GOLM2: variants seen among roughly 807,000 people sequenced by gnomAD.
GOLM2 encodes the protein golgi membrane protein 2, also known as protein GOLM2.
GOLM2 carries 26 observed loss-of-function variants against 55.9 expected under a neutral mutation model. The ratio of observed to expected loss-of-function variants is 0.47; its 90% confidence interval spans 0.34 to 0.65. The LOEUF (loss-of-function observed/expected upper bound fraction) is 0.65, where lower values mean the gene tolerates loss of function less well. Among genes scored for constraint, GOLM2 ranks in the 30% least tolerant of loss-of-function variants. The pLI, the probability that GOLM2 is intolerant of heterozygous loss-of-function variation, is 0.01. For missense variants in GOLM2, 486 were observed against 531.8 expected, an observed-to-expected ratio of 0.91 and a Z score of 0.85; for synonymous variants, 165 against 194.6, an observed-to-expected ratio of 0.85 and a Z score of 1.27.
chr15:44,366,281 A>T (rs1427642410), intron 6 of GOLM2, among the ~76,000 whole-genome samples: 2 of 145,412 alleles, frequency 1.4e-5, no homozygotes, highest in African/African-American at 2.6e-5. Flanking sequence ...TGGGCAACAG[A>T]GCGAGACTCC....
At chr15:44,381,028 A>G in intron 8 of GOLM2, 52 bp downstream of exon 8, 1 of 1,173,620 alleles carries the variant, frequency 8.5e-7, no homozygotes. Flanking sequence ...TAAATGTAAT[A>G]TGAATTAAGG....
chr15:44,355,729 G>T, intron 6 of GOLM2: 1 of 162,568 alleles, frequency 6.2e-6, no homozygotes, highest in South Asian at 1.5e-4. Flanking sequence ...GAGAGCACGA[G>T]AGAAAAAGAG....
At chr15:44,410,199 G>T (rs2079628148) in intron 9 of GOLM2, among the ~76,000 whole-genome samples, 1 of 152,186 alleles carries the variant, frequency 6.6e-6, no homozygotes. Context: ...AGCACTTTGG[G>T]AGGCCGAGGC....
At chr15:44,358,376 T>C (rs575135253) in intron 6 of GOLM2, among the ~76,000 whole-genome samples, 3 of 151,882 alleles carry the variant, frequency 2.0e-5, no homozygotes, top group Middle Eastern at 3.4e-3. Context: ...AAAATAAAGT[T>C]TATATAGAGA....
At chr15:44,380,778 C>A (rs201218047) in intron 7 of GOLM2, 28 bp from the exon 8 acceptor site, 6 of 1,371,022 alleles carry the variant, frequency 4.4e-6, no homozygotes, top group Non-Finnish European at 1.9e-6. Flanking sequence ...AAATTATATT[C>A]TTTTAATTTG....
At chr15:44,325,964 T>C (rs1195082931) in intron 2 of GOLM2, among the ~76,000 whole-genome samples, 1 of 152,074 alleles carries the variant, frequency 6.6e-6, no homozygotes, top group Non-Finnish European at 1.5e-5. Flanking sequence ...AGAATTAATA[T>C]TATAAAAAGA....
At chr15:44,372,641 T>A (rs1212581203) in intron 6 of GOLM2, among the ~76,000 whole-genome samples, 1 of 152,182 alleles carries the variant, frequency 6.6e-6, no homozygotes, top group Admixed American at 6.5e-5. Context: ...GGGATATCTA[T>A]CTAATTTAGA....
At chr15:44,290,875 C>A (rs2078715972) in intron 1 of GOLM2, among the ~76,000 whole-genome samples, 1 of 151,806 alleles carries the variant, frequency 6.6e-6, no homozygotes, top group African/African-American at 2.4e-5. Context: ...GATCTCAGCT[C>A]ACTGCAACCT....
intron 1 of GOLM2, among the ~76,000 whole-genome samples, chr15:44,300,087 A>C (rs2078786726): frequency 6.6e-6 from 1 of 151,134 alleles, no homozygotes; most frequent in African/African-American, 2.4e-5. Flanking sequence ...CAACAGAGCA[A>C]GACCCTGTCT....
At chr15:44,378,969 A>T (rs1011466674) in intron 6 of GOLM2, among the ~76,000 whole-genome samples, 1 of 150,870 alleles carries the variant, frequency 6.6e-6, no homozygotes, top group African/African-American at 2.4e-5. Flanking sequence ...CTGATCTTGA[A>T]CTCCTGACCT....
intron 4 of GOLM2, 136 bp from the exon 5 acceptor site, chr15:44,337,627 A>G (rs2079065732): frequency 5.1e-6 from 3 of 593,276 alleles, no homozygotes; most frequent in African/African-American, 2.0e-5. Context: ...TGTATCCTGC[A>G]TCTCCAATTG....
chr15:44,407,297 C>T (rs2079604295), intron 9 of GOLM2, among the ~76,000 whole-genome samples: 4 of 145,194 alleles, frequency 2.8e-5, no homozygotes, highest in African/African-American at 5.1e-5. Context: ...ACAGGGTGTC[C>T]CTCTGTCACC....
intron 6 of GOLM2, among the ~76,000 whole-genome samples, chr15:44,374,386 C>T (rs557459954): frequency 6.6e-5 from 10 of 152,102 alleles, no homozygotes; most frequent in African/African-American, 2.4e-4. Context: ...CGATGGTTCA[C>T]GCCTGTAATC....
intron 6 of GOLM2, among the ~76,000 whole-genome samples, chr15:44,375,185 T>C (rs571130404): frequency 1.3e-5 from 2 of 152,206 alleles, no homozygotes; most frequent in South Asian, 4.2e-4. Context: ...TATACCCGGC[T>C]AATTTTTGTA....
chr15:44,297,052 G>T (rs1169425275), intron 1 of GOLM2, among the ~76,000 whole-genome samples: 1 of 152,052 alleles, frequency 6.6e-6, no homozygotes, highest in Non-Finnish European at 1.5e-5. Flanking sequence ...TCCTATAAAT[G>T]ATGCCCATGC....
At chr15:44,297,776 A>G (rs955375506) in intron 1 of GOLM2, among the ~76,000 whole-genome samples, 1 of 146,484 alleles carries the variant, frequency 6.8e-6, no homozygotes, top group African/African-American at 2.5e-5. Context: ...GTTAGTCAGG[A>G]TGGTCTCCAT....
chr15:44,337,990 T>TA, intron 5 of GOLM2, 83 bp downstream of exon 5: 2 of 1,314,942 alleles, frequency 1.5e-6, no homozygotes, highest in Non-Finnish European at 2.1e-6. Context: ...TTTTCAATCA[T>TA]AAAGAAAATT....
Position 44,288,893 on chromosome 15 carries a change from C to G in GOLM2, c.-137C>G. The G allele has an allele frequency of 1.3e-6, 1 of 748,818 alleles. No homozygotes were observed. The highest frequency in any genetic ancestry group is 2.1e-6 in the Non-Finnish European group (1 of 475,346). The allele number at this position is 748,818 out of a possible 1,614,324, so 46.4% of individuals were successfully genotyped here. ...TGCGGCCCCGCCCCCTTCTCCGGCT[C>G]GCAGCCGACCGGTAAGCCCGCCTCC... On this transcript the variant is annotated 5_prime_UTR_variant, in exon 1 of 10. Coordinates refer to ENST00000299957, the MANE Select transcript of GOLM2 (RefSeq NM_138423.4).
chr15:44,408,833 G>A (rs1348037897), intron 9 of GOLM2, among the ~76,000 whole-genome samples: 1 of 152,070 alleles, frequency 6.6e-6, no homozygotes, highest in Non-Finnish European at 1.5e-5. Flanking sequence ...GAGTGGCGGC[G>A]GGAGCCTGTA....
Sources: allele counts gnomAD v4.1 joint callset (sites outside exome capture counted in the v4.1 genomes callset), GRCh38; gene constraint gnomAD v4.1.1; transcripts MANE v1.5; gene names NCBI Gene and HGNC (gene_info 2026-07-23, HGNC 2026-07-21).